RIMS2: variants seen among roughly 807,000 people sequenced by gnomAD.
RIMS2 encodes regulating synaptic membrane exocytosis protein 2.
A neutral mutation model predicts 174.4 loss-of-function variants in RIMS2; 59 were observed. The ratio of observed to expected loss-of-function variants is 0.34; its 90% CI spans 0.27 to 0.42. The LOEUF is 0.42. Among genes scored for constraint, RIMS2 ranks in the 10% least tolerant of loss-of-function variants. RIMS2 has a pLI of 1.00. For missense variants in RIMS2, 1,620 were observed against 1,666.3 expected, an observed-to-expected ratio of 0.97 and a Z score of 0.48; for synonymous variants, 606 against 572.5, an observed-to-expected ratio of 1.06 and a Z score of -0.84.
At chr8:104,163,504 T>C (rs1210242982) in intron 19 of RIMS2, among the ~76,000 whole-genome samples, 2 of 152,220 alleles carry the variant, frequency 1.3e-5, no homozygotes, top group East Asian at 3.9e-4. Context: ...GATACTAACC[T>C]ACTATGGCTC....
chr8:103,721,090 G>T lies in RIMS2; in HGVS notation c.387+23794G>T, dbSNP rs138606230. On this transcript the variant is annotated intron_variant, in intron 2 of 23. Transcript: ENST00000504942. The stretch of plus-strand genomic sequence containing the variant: ...ACCATCCCTTTGGTGCTGTTCTCCT[G>T]ATAGAGTTCTTACAAGATCTGGTTG... Among the ~76,000 whole-genome samples the T allele has an allele frequency of 2.4e-4, 36 of 152,226 alleles. No individual in the cohort carries two copies. In the East Asian group the frequency reaches 6.2e-3, roughly 26 times the overall value.
chr8:103,882,121 T>C (rs1286653068), intron 3 of RIMS2, among the ~76,000 whole-genome samples: 4 of 151,490 alleles, frequency 2.6e-5, no homozygotes, highest in Admixed American at 2.6e-4. Flanking sequence ...AAATGCCTTA[T>C]GGTTCTGTAG....
intron 1 of RIMS2, among the ~76,000 whole-genome samples, chr8:103,607,422 G>A (rs2095159870): frequency 6.6e-6 from 1 of 151,664 alleles, no homozygotes; most frequent in African/African-American, 2.4e-5. Context: ...TTTCTCTCTG[G>A]CTGCCCTTAA....
At chr8:104,214,864 A>T (rs1352329471) in intron 19 of RIMS2, among the ~76,000 whole-genome samples, 1 of 152,238 alleles carries the variant, frequency 6.6e-6, no homozygotes, top group African/African-American at 2.4e-5. Context: ...TAAGCTACAA[A>T]TAGAACTACG....
chr8:104,057,537 T>C (rs115726925), intron 19 of RIMS2, among the ~76,000 whole-genome samples: 1,978 of 152,148 alleles, frequency 0.013, 50 homozygotes, highest in African/African-American at 0.046. Context: ...TCCAAAATAG[T>C]TTAGATATCA....
chr8:103,697,100 A>G, exon 2 of RIMS2: 1 of 1,612,520 alleles, frequency 6.2e-7, no homozygotes, highest in Non-Finnish European at 8.5e-7. Flanking sequence ...CTGCATCAGC[A>G]GTTTGAAATG....
intron 19 of RIMS2, among the ~76,000 whole-genome samples, chr8:104,044,173 T>C (rs1374268832): frequency 6.6e-6 from 1 of 151,606 alleles, no homozygotes; most frequent in African/African-American, 2.4e-5. Context: ...ATATATTGTA[T>C]TTAAGTAAAA....
At chr8:103,774,135 C>A (rs1479357938) in intron 3 of RIMS2, among the ~76,000 whole-genome samples, 1 of 152,158 alleles carries the variant, frequency 6.6e-6, no homozygotes, top group African/African-American at 2.4e-5. Flanking sequence ...GAGTGAGACG[C>A]TGTCTCAATA....
intron 19 of RIMS2, among the ~76,000 whole-genome samples, chr8:104,106,454 A>T (rs566402571): frequency 1.4e-5 from 2 of 140,542 alleles, no homozygotes; most frequent in East Asian, 5.4e-4. Flanking sequence ...TCATTGATTA[A>T]TATATTCAAC....
At chr8:104,214,573 G>A (rs1421977663) in intron 19 of RIMS2, among the ~76,000 whole-genome samples, 3 of 151,902 alleles carry the variant, frequency 2.0e-5, no homozygotes, top group South Asian at 2.1e-4. Context: ...TCAGCCTCCC[G>A]AGTAGCTGAG....
chr8:103,965,909 A>T, intron 15 of RIMS2, among the ~76,000 whole-genome samples: 1 of 151,256 alleles, frequency 6.6e-6, no homozygotes, highest in Admixed American at 6.6e-5. Flanking sequence ...TAGTCATGTG[A>T]TTTTTTTTTA....
intron 3 of RIMS2, among the ~76,000 whole-genome samples, chr8:103,778,574 G>T (rs758762463): frequency 2.0e-5 from 3 of 152,020 alleles, no homozygotes; most frequent in Non-Finnish European, 4.4e-5. Context: ...CCATGTTGCT[G>T]CAAATGACAG....
intron 19 of RIMS2, among the ~76,000 whole-genome samples, chr8:104,128,309 TCAAA>T (rs975394885): frequency 6.6e-6 from 1 of 152,180 alleles, no homozygotes; most frequent in African/African-American, 2.4e-5. Flanking sequence ...GGATATTTGA[TCAAA>T]CAATTGCCAA....
Position 103,652,195 on chromosome 8 carries a change from A to C in RIMS2, c.177-44891A>C. 7.4e-7 allele frequency: 1 copy of C among 1,343,368 alleles called. No individual in the cohort carries two copies. Among genetic ancestry groups the C allele is most frequent in the Non-Finnish European group, 9.9e-7 (1 of 1,014,000 alleles). The allele number at this position is 1,343,368 out of a possible 1,614,324, so 83.2% of individuals were successfully genotyped here. ...ACAGTGCACTCAGTTGTGCAAACTT[A>C]TCTTTTTAGGGTCAAAGAAGAACAC... On this transcript the variant is annotated intron_variant, in intron 1 of 23. Coordinates refer to ENST00000504942, the Ensembl canonical transcript of RIMS2.
intron 1 of RIMS2, among the ~76,000 whole-genome samples, chr8:103,654,422 AAATT>A (rs2096497002): frequency 6.6e-6 from 1 of 152,020 alleles, no homozygotes; most frequent in South Asian, 2.1e-4. Context: ...GATGATTTAA[AAATT>A]AATTCTTGAT....
chr8:104,105,571 A>T (rs80146122), intron 19 of RIMS2, among the ~76,000 whole-genome samples: 7 of 148,922 alleles, frequency 4.7e-5, no homozygotes, highest in East Asian at 2.0e-4. Flanking sequence ...AGTGTTAATT[A>T]AAAAAAAAAG....
chr8:104,226,027 C>T (rs2099185976), intron 19 of RIMS2, among the ~76,000 whole-genome samples: 1 of 152,162 alleles, frequency 6.6e-6, no homozygotes, highest in South Asian at 2.1e-4. Flanking sequence ...TGCTTCTCTA[C>T]TTCCTTTTTT....
Position 103,665,814 on chromosome 8 carries a change from C to A in RIMS2, c.177-31272C>A, listed in dbSNP as rs533035768. On this transcript the variant is annotated intron_variant, in intron 1 of 23. Transcript: ENST00000504942. Reference sequence around the variant, plus strand: ...AAATGTAAGCCTGAAATTTATTCTTCATTTTATGCCTATCACAATTTTGCA... The same window carrying A: ...AAATGTAAGCCTGAAATTTATTCTTAATTTTATGCCTATCACAATTTTGCA... 2.0e-5 allele frequency among the ~76,000 whole-genome samples: 3 copies of A among 152,246 alleles called. No individual in the cohort carries two copies. In the South Asian group the frequency reaches 6.2e-4, roughly 32 times the overall value.
intron 3 of RIMS2, among the ~76,000 whole-genome samples, chr8:103,875,305 A>T (rs957290807): frequency 6.6e-6 from 1 of 151,806 alleles, no homozygotes; most frequent in African/African-American, 2.4e-5. Context: ...AATGTCCATT[A>T]TACACTCCGT....
Sources: allele counts gnomAD v4.1 joint callset (sites outside exome capture counted in the v4.1 genomes callset), GRCh38; gene constraint gnomAD v4.1.1; transcripts MANE v1.5; gene names NCBI Gene and HGNC (gene_info 2026-07-23, HGNC 2026-07-21).